Variants in ARHGEF12 observed in about 807,000 individuals in gnomAD.
ARHGEF12 encodes Rho guanine nucleotide exchange factor 12.
ARHGEF12 carries 66 observed loss-of-function variants against 211.2 expected under a neutral mutation model. That is an observed-to-expected ratio of 0.31 (90% CI 0.26 to 0.38). The LOEUF is 0.38. ARHGEF12 is among the 10% of genes least tolerant of loss of function. The pLI is 1.00. For missense variants in ARHGEF12, 1,429 were observed against 1,869.5 expected, an observed-to-expected ratio of 0.76 and a Z score of 4.34; for synonymous variants, 592 against 638.4, an observed-to-expected ratio of 0.93 and a Z score of 1.09.
In ARHGEF12 at chr11:120,428,260, A is replaced by G; in HGVS notation, c.585+13A>G. ...TGTGCTCATGGGGGTAAGAATGGGG[A>G]AATTTCTTAGTTAAATGCTCAGTCT... On this transcript the variant is annotated intron_variant, in intron 8 of 40. Coordinates refer to ENST00000397843, the MANE Select transcript of ARHGEF12 (RefSeq NM_015313.3). The G allele has an allele frequency of 6.5e-7, 1 of 1,549,944 alleles. No homozygotes were observed. The highest frequency in any genetic ancestry group is 8.7e-7 in the Non-Finnish European group (1 of 1,146,702).
chr11:120,478,315 A>T lies in ARHGEF12; in HGVS notation c.3692A>T (p.Asp1231Val), dbSNP rs753255637. ...GGGACACTAAAGGAAGTTGGAGAAG[A>T]TTATCAAATCGCAATCCCAGATTCA... Reference protein sequence around the residue: ...TDGTLKEVGEDYQIAIPDSHL... With the variant: ...TDGTLKEVGEVYQIAIPDSHL... The change falls in exon 37 of 41, where the codon GAT (aspartate) becomes GTT (valine). Residue 1231 changes from aspartate (D) to valine (V), a missense_variant. Physicochemically the swap from Asp to Val is radical, Grantham distance 152 (BLOSUM62 -3). Transcript: ENST00000397843. The T allele has an allele frequency of 4.3e-6, 7 of 1,614,104 alleles. No homozygotes were observed. Among genetic ancestry groups the T allele is most frequent in the Non-Finnish European group, 5.9e-6 (7 of 1,180,044 alleles).
chr11:120,477,867 A>AAAAAAAAAC (rs1947098716), intron 36 of ARHGEF12, among the ~76,000 whole-genome samples: 1 of 150,470 alleles, frequency 6.6e-6, no homozygotes, highest in Non-Finnish European at 1.5e-5. Context: ...AACACCAAAA[A>AAAAAAAAAC]AAAAAAAGAA....
intron 7 of ARHGEF12, among the ~76,000 whole-genome samples, chr11:120,425,148 G>A (rs751999975): frequency 1.3e-5 from 2 of 152,090 alleles, no homozygotes; most frequent in Non-Finnish European, 2.9e-5. Flanking sequence ...CACTCACAGG[G>A]CCTCAGTTTT....
In ARHGEF12 at chr11:120,384,056, A is replaced by G. The variant is rs188277986; in HGVS notation, c.33-22062A>G. On this transcript the variant is annotated intron_variant, in intron 1 of 40. Transcript: ENST00000397843. Reference sequence around the variant, plus strand: ...TTGGGCTGGTCAGAAAGTGCCAAGCATCAGAGAAACTGAGACCTCGGTATA... The same window carrying G: ...TTGGGCTGGTCAGAAAGTGCCAAGCGTCAGAGAAACTGAGACCTCGGTATA... Among the ~76,000 whole-genome samples the G allele has an allele frequency of 9.8e-3, 1,487 of 152,300 alleles. 23 individuals carry two copies. The highest frequency in any genetic ancestry group is 0.013 in the Non-Finnish European group (861 of 68,028).
At chr11:120,406,183 T>C (rs2135570986) in intron 2 of ARHGEF12, 42 bp downstream of exon 2, 2 of 1,345,010 alleles carry the variant, frequency 1.5e-6, no homozygotes, top group East Asian at 2.7e-5. Context: ...GTTTAGGTTA[T>C]ATTTTAATTA....
intron 40 of ARHGEF12, 55 bp from the exon 41 acceptor site, chr11:120,485,012 A>G (rs375373638): frequency 6.4e-7 from 1 of 1,567,406 alleles, no homozygotes; most frequent in Non-Finnish European, 8.8e-7. Context: ...ATTCTTTGCA[A>G]TGTTAGTATA....
chr11:120,431,969 C>G, intron 11 of ARHGEF12, 58 bp downstream of exon 11: 2 of 1,453,400 alleles, frequency 1.4e-6, no homozygotes, highest in Non-Finnish European at 1.8e-6. Context: ...CAGCCCCTTT[C>G]TAGATTTGAT....
intron 1 of ARHGEF12, among the ~76,000 whole-genome samples, chr11:120,399,340 AAAAAAAAAAAAG>A: frequency 6.8e-6 from 1 of 146,214 alleles, no homozygotes; most frequent in South Asian, 2.1e-4. Context: ...AAAAAAAAAA[AAAAAAAAAAAAG>A]AAAAGAAAGA....
Position 120,475,372 on chromosome 11 carries a change from G to A in ARHGEF12, c.3142G>A (p.Val1048Ile). The A allele has an allele frequency of 4.3e-6, 7 of 1,613,980 alleles. No homozygotes were observed. The highest frequency in any genetic ancestry group is 5.1e-6 in the Non-Finnish European group (6 of 1,179,962). Residue 1048 changes from valine to isoleucine, a missense_variant, in exon 33 of 41, where the codon GTA becomes ATA. Physicochemically the swap from Val to Ile is conservative, Grantham distance 29. Coordinates refer to ENST00000397843, the MANE Select transcript of ARHGEF12 (RefSeq NM_015313.3). ...CACGTTGCTGCTGGAAGACATTCTT[G>A]TATTGTTACAAAAGCAGGATGATAG... ...LYTLLLEDIL[V>I]LLQKQDDRLV... is the part of the protein sequence containing the mutation.
intron 1 of ARHGEF12, among the ~76,000 whole-genome samples, chr11:120,397,521 T>G (rs1327783003): frequency 6.6e-6 from 1 of 152,200 alleles, no homozygotes; most frequent in Non-Finnish European, 1.5e-5. Flanking sequence ...GCTGAAAAAT[T>G]AGACCCAGCC....
chr11:120,456,076 T>C (rs1472680581), intron 22 of ARHGEF12, among the ~76,000 whole-genome samples: 1 of 152,216 alleles, frequency 6.6e-6, no homozygotes, highest in Non-Finnish European at 1.5e-5. Context: ...GATGTATATA[T>C]GTATGTAGTA....
At position 120,446,435 on chromosome 11, in the gene ARHGEF12, C is replaced by T; in HGVS notation, c.1378C>T (p.Leu460=). The change falls in exon 17 of 41, where the codon CTG becomes TTG. Residue 460 remains leucine (L), a synonymous_variant. Coordinates refer to ENST00000397843, the MANE Select transcript of ARHGEF12 (RefSeq NM_015313.3). The part of the protein sequence containing the change: ...KRRPELIPED[L]HRHYIQTMQE... ...AAGACCTGAGCTCATTCCTGAGGAT[C>T]TGCATCGCCACTATATCCAAACTAT... is the stretch of plus-strand genomic sequence containing the variant. 6.2e-7 allele frequency: 1 copy of T among 1,613,068 alleles called. No homozygotes were observed.
chr11:120,449,014 A>T (rs1282934316), intron 20 of ARHGEF12, 95 bp from the exon 21 acceptor site: 1 of 1,049,958 alleles, frequency 9.5e-7, no homozygotes, highest in East Asian at 2.6e-5. Flanking sequence ...TACACTTAAC[A>T]ATTTCTTTGA....
At position 120,361,791 on chromosome 11, in the gene ARHGEF12, T is replaced by G. The variant is rs527353806; in HGVS notation, c.32+24516T>G. ...AATACGTAAACTTGTCAGGATAAAT[T>G]TAGGTTGTTCACATAAGTAGATATA... On this transcript the variant is annotated intron_variant, in intron 1 of 40. Coordinates refer to ENST00000397843, the MANE Select transcript of ARHGEF12 (RefSeq NM_015313.3). Among the ~76,000 whole-genome samples, 157 of 152,304 alleles carry G rather than the reference T, an allele frequency of 1.0e-3. 2 individuals carry two copies. The highest frequency in any genetic ancestry group is 3.3e-3 in the African/African-American group (138 of 41,570).
intron 11 of ARHGEF12, among the ~76,000 whole-genome samples, chr11:120,434,012 A>G (rs374485409): frequency 8.5e-5 from 13 of 152,312 alleles, no homozygotes; most frequent in East Asian, 7.7e-4. Flanking sequence ...AGGCATTCCA[A>G]TCAATTAAGA....
At chr11:120,414,137 G>T (rs1944962151) in intron 4 of ARHGEF12, among the ~76,000 whole-genome samples, 1 of 152,114 alleles carries the variant, frequency 6.6e-6, no homozygotes. Flanking sequence ...GGAAATAAAA[G>T]AAATGGATAG....
intron 1 of ARHGEF12, among the ~76,000 whole-genome samples, chr11:120,343,483 A>G (rs199908157): frequency 6.6e-6 from 1 of 152,256 alleles, no homozygotes; most frequent in East Asian, 1.9e-4. Flanking sequence ...CCTAAATTGC[A>G]TGAGTATATA....
intron 7 of ARHGEF12, among the ~76,000 whole-genome samples, chr11:120,426,643 G>A (rs1382405044): frequency 6.6e-5 from 10 of 152,170 alleles, no homozygotes. Context: ...AAGAGCCTTA[G>A]AAAGTGTTTA....
Position 120,441,449 on chromosome 11 carries a change from G to C in ARHGEF12, c.1093-258G>C, listed in dbSNP as rs138589960. Among the ~76,000 whole-genome samples, 458 of 152,258 alleles carry C rather than the reference G, an allele frequency of 3.0e-3. 4 individuals are homozygous for C. Among genetic ancestry groups the C allele is most frequent in the African/African-American group, 0.011 (446 of 41,548 alleles). On this transcript the variant is annotated intron_variant, in intron 13 of 40. Coordinates refer to ENST00000397843, the MANE Select transcript of ARHGEF12 (RefSeq NM_015313.3). ...TACATACTGATTTGTATACATCCGA[G>C]CTACTTGATAATCGTCTCCTAAATT...
Sources: gnomAD v4.1 joint callset for allele counts (sites outside exome capture counted in the v4.1 genomes callset) on GRCh38, gnomAD v4.1.1 for gene constraint, MANE v1.5 for transcripts, NCBI Gene and HGNC (gene_info 2026-07-23, HGNC 2026-07-21) for gene names.